The following CHSY3 variants were observed in gnomAD, a reference collection of about 807,000 sequenced individuals.
CHSY3 encodes the protein N-acetylgalactosaminyl-proteoglycan 3-beta-glucuronosyltransferase 3.
Under a neutral mutation model 67.2 loss-of-function variants are expected in CHSY3, and 35 were observed. That is an observed-to-expected ratio of 0.52 (90% CI 0.40 to 0.69). The LOEUF is 0.69. CHSY3 is among the 30% of genes least tolerant of loss of function. The pLI is 0.00. For missense variants in CHSY3, 1,069 were observed against 1,138.5 expected (o/e 0.94, Z 0.88); for synonymous variants, 474 against 434.7 (o/e 1.09, Z -1.12).
chr5:130,013,344 C>T (rs1411782056), intron 2 of CHSY3, among the ~76,000 whole-genome samples: 1 of 152,144 alleles, frequency 6.6e-6, no homozygotes, highest in East Asian at 1.9e-4. Context: ...CCAGGCAATG[C>T]CCTAGTGGAG....
rs765702889 is a variant in CHSY3, at chr5:130,104,568, A to T, written c.1087-79661A>T. Among the ~76,000 whole-genome samples, 12 of 151,794 alleles carry T rather than the reference A, an allele frequency of 7.9e-5. No individual in the cohort carries two copies. The South Asian group carries it at 8.3e-4, about 10-fold the overall frequency. On this transcript the variant is annotated intron_variant, in intron 2 of 2. Coordinates refer to ENST00000305031, the MANE Select transcript of CHSY3 (RefSeq NM_175856.5). Reference sequence around the variant, plus strand: ...AGGGCTTTTGGTCTCATAACGTATTAGGTAAACAGAGAGAAGAAGGAAGGA... The same window carrying T: ...AGGGCTTTTGGTCTCATAACGTATTTGGTAAACAGAGAGAAGAAGGAAGGA...
chr5:130,072,217 T>A (rs1766097269), intron 2 of CHSY3, among the ~76,000 whole-genome samples: 1 of 152,120 alleles, frequency 6.6e-6, no homozygotes, highest in African/African-American at 2.4e-5. Context: ...ACCCAAGAAA[T>A]CATTGCCAAG....
intron 2 of CHSY3, among the ~76,000 whole-genome samples, chr5:129,917,804 A>T (rs1760780018): frequency 6.6e-6 from 1 of 152,096 alleles, no homozygotes; most frequent in South Asian, 2.1e-4. Flanking sequence ...ACTTTGAAAA[A>T]ATTCTGATGC....
At chr5:129,928,268 T>G (rs1378664542) in intron 2 of CHSY3, among the ~76,000 whole-genome samples, 1 of 145,422 alleles carries the variant, frequency 6.9e-6, no homozygotes, top group East Asian at 2.0e-4. Context: ...AATTTTTTGT[T>G]AGTTCATATT....
At chr5:130,110,052 T>C (rs1275209540) in intron 2 of CHSY3, among the ~76,000 whole-genome samples, 1 of 151,884 alleles carries the variant, frequency 6.6e-6, no homozygotes, top group Non-Finnish European at 1.5e-5. Context: ...TGCTGAACAA[T>C]CTGCAACTAC....
At chr5:130,036,435 G>A (rs1262099436) in intron 2 of CHSY3, among the ~76,000 whole-genome samples, 1 of 152,094 alleles carries the variant, frequency 6.6e-6, no homozygotes, top group Non-Finnish European at 1.5e-5. Flanking sequence ...TTTGAAATGT[G>A]TACTAATTTC....
At chr5:130,143,647 C>T (rs1369205487) in intron 2 of CHSY3, among the ~76,000 whole-genome samples, 1 of 148,168 alleles carries the variant, frequency 6.7e-6, no homozygotes, top group East Asian at 2.0e-4. Context: ...TTGAACATGT[C>T]TTTTGGTGAA....
At chr5:130,032,920 C>T (rs1480964336) in intron 2 of CHSY3, among the ~76,000 whole-genome samples, 1 of 152,148 alleles carries the variant, frequency 6.6e-6, no homozygotes, top group African/African-American at 2.4e-5. Context: ...GCCAGCCCAG[C>T]CAGAATGCAC....
chr5:130,171,353 A>C (rs1769889676), intron 2 of CHSY3, among the ~76,000 whole-genome samples: 1 of 152,138 alleles, frequency 6.6e-6, no homozygotes, highest in Non-Finnish European at 1.5e-5. Context: ...TAGTTCTAAA[A>C]GGGTAGTTTT....
At chr5:129,957,888 A>C (rs1158294672) in intron 2 of CHSY3, among the ~76,000 whole-genome samples, 1 of 151,424 alleles carries the variant, frequency 6.6e-6, no homozygotes, top group Admixed American at 6.6e-5. Flanking sequence ...TTCCTCTCCA[A>C]CTTCATTCTT....
intron 2 of CHSY3, among the ~76,000 whole-genome samples, chr5:129,920,534 A>G (rs1428942448): frequency 3.3e-5 from 5 of 152,116 alleles, no homozygotes; most frequent in African/African-American, 1.2e-4. Flanking sequence ...GTGAGCTACC[A>G]TGCCCAGCCA....
intron 2 of CHSY3, among the ~76,000 whole-genome samples, chr5:130,160,729 A>G (rs1439961330): frequency 1.3e-5 from 2 of 152,098 alleles, no homozygotes; most frequent in Non-Finnish European, 1.5e-5. Context: ...GACAGTTCTA[A>G]TTTAGATGGT....
chr5:129,961,408 T>A (rs1210286818), intron 2 of CHSY3, among the ~76,000 whole-genome samples: 1 of 152,066 alleles, frequency 6.6e-6, no homozygotes, highest in African/African-American at 2.4e-5. Flanking sequence ...AATTGAACTC[T>A]CATTTGAGAA....
chr5:130,059,403 C>G (rs1282521465), intron 2 of CHSY3, among the ~76,000 whole-genome samples: 3 of 149,420 alleles, frequency 2.0e-5, no homozygotes, highest in Admixed American at 1.3e-4. Context: ...CTCTCTCTCT[C>G]TCTCGCTCTT....
intron 2 of CHSY3, among the ~76,000 whole-genome samples, chr5:129,929,139 G>C (rs114070239): frequency 1.2e-3 from 189 of 152,280 alleles, no homozygotes; most frequent in African/African-American, 4.3e-3. Flanking sequence ...AAAAGAGGTA[G>C]GTGACAAAGG....
At chr5:129,915,456 C>A (rs1354774424) in intron 2 of CHSY3, among the ~76,000 whole-genome samples, 2 of 152,120 alleles carry the variant, frequency 1.3e-5, no homozygotes, top group Non-Finnish European at 2.9e-5. Flanking sequence ...TCTAAATTAA[C>A]TGAATCAAAA....
At chr5:129,912,428 C>G (rs1760595798) in intron 2 of CHSY3, among the ~76,000 whole-genome samples, 1 of 152,080 alleles carries the variant, frequency 6.6e-6, no homozygotes, top group Non-Finnish European at 1.5e-5. Flanking sequence ...GGAACCTCCT[C>G]CTGGTGTACC....
Position 129,917,647 on chromosome 5 carries a change from T to C in CHSY3, c.1086+9287T>C, listed in dbSNP as rs150725566. 9.8e-5 allele frequency among the ~76,000 whole-genome samples: 15 copies of C among 152,366 alleles called. No individual in the cohort carries two copies. In the East Asian group the frequency reaches 2.9e-3, roughly 29 times the overall value. On this transcript the variant is annotated intron_variant, in intron 2 of 2. Transcript: ENST00000305031. ...ATTACTATTTTCCAGCTTATAATGTTTATATTATTTGTTCCCCTCGTGGGA... is the reference window on the plus strand; with the variant it reads ...ATTACTATTTTCCAGCTTATAATGTCTATATTATTTGTTCCCCTCGTGGGA...
At chr5:129,971,172 A>G (rs889813831) in intron 2 of CHSY3, among the ~76,000 whole-genome samples, 29 of 151,840 alleles carry the variant, frequency 1.9e-4, no homozygotes, top group Admixed American at 1.1e-3. Flanking sequence ...TTGTAATAAG[A>G]TGGAAGTAAC....
Sources: allele counts gnomAD v4.1 joint callset (sites outside exome capture counted in the v4.1 genomes callset), GRCh38; gene constraint gnomAD v4.1.1; transcripts MANE v1.5; gene names NCBI Gene and HGNC (gene_info 2026-07-23, HGNC 2026-07-21).